Variants in TRABD2A observed in about 807,000 individuals in gnomAD.
The protein encoded by TRABD2A is TraB domain containing 2A.
In TRABD2A, 43 loss-of-function variants were observed where a neutral mutation model predicts 45.6. The observed-to-expected ratio is 0.94, with a 90% CI of 0.74 to 1.22. The LOEUF is 1.22. Among genes scored for constraint, TRABD2A ranks in the 50% most tolerant of loss-of-function variants. The pLI is 0.00. For missense variants in TRABD2A, 642 were observed against 652.4 expected, an observed-to-expected ratio of 0.98 and a Z score of 0.17; for synonymous variants, 269 against 265.0, an observed-to-expected ratio of 1.02 and a Z score of -0.15.
intron 6 of TRABD2A, among the ~76,000 whole-genome samples, chr2:84,822,371 T>G (rs1198481174): frequency 1.3e-5 from 2 of 152,198 alleles, no homozygotes; most frequent in Non-Finnish European, 2.9e-5. Flanking sequence ...TTAGTGAAAG[T>G]CTTCGTATAA....
intron 1 of TRABD2A, among the ~76,000 whole-genome samples, chr2:84,875,339 G>T (rs1682993737): frequency 6.6e-6 from 1 of 152,200 alleles, no homozygotes; most frequent in Admixed American, 6.5e-5. Flanking sequence ...AGCATGCAAA[G>T]GCCCTGAGGC....
Position 84,830,424 on chromosome 2 carries a change from G to A in TRABD2A, c.1082+1631C>T, listed in dbSNP as rs1446088677. Among the ~76,000 whole-genome samples, 6 of 152,188 alleles carry A rather than the reference G, an allele frequency of 3.9e-5. No homozygotes were observed. Among genetic ancestry groups the A allele is most frequent in the African/African-American group, 9.6e-5 (4 of 41,490 alleles). On this transcript the variant is annotated intron_variant, in intron 5 of 6. Transcript: ENST00000409520. This position sits in a 1 kb window ranked among gnomAD's most constrained non-coding sequence, Gnocchi z 4.9. The stretch of plus-strand genomic sequence containing the variant: ...GTAGGGTCTGAGTGCCAAGACCTCC[G>A]CGTGAAGACAATGACCTTGAAAAAG...
chr2:84,854,900 G>A (rs1431749650), intron 2 of TRABD2A, among the ~76,000 whole-genome samples: 1 of 152,006 alleles, frequency 6.6e-6, no homozygotes, highest in Non-Finnish European at 1.5e-5. Context: ...AACCATCCTT[G>A]GATTACAGAC....
chr2:84,836,775 C>A (rs1333666511), intron 4 of TRABD2A: 1 of 152,150 alleles, frequency 6.6e-6, no homozygotes, highest in Non-Finnish European at 1.5e-5. Flanking sequence ...CTCAATCAAC[C>A]TATCTTCATG....
At chr2:84,861,805 A>G (rs1438118037) in intron 2 of TRABD2A, among the ~76,000 whole-genome samples, 1 of 152,206 alleles carries the variant, frequency 6.6e-6, no homozygotes, top group African/African-American at 2.4e-5. Flanking sequence ...AGCACCCGCA[A>G]GAGCAGAAGC....
At chr2:84,832,226 A>G in intron 4 of TRABD2A, 81 bp from the exon 5 acceptor site, 1 of 1,441,014 alleles carries the variant, frequency 6.9e-7, no homozygotes, top group Non-Finnish European at 9.7e-7. Context: ...CCTAGAACCA[A>G]GAAATTACCC....
chr2:84,868,009 T>C (rs1406606402), intron 2 of TRABD2A, among the ~76,000 whole-genome samples: 1 of 152,228 alleles, frequency 6.6e-6, no homozygotes, highest in African/African-American at 2.4e-5. Flanking sequence ...AGTTCAACCA[T>C]TGTGGAAGAC....
chr2:84,837,935 G>C, intron 4 of TRABD2A: 1 of 343,094 alleles, frequency 2.9e-6, no homozygotes, highest in Non-Finnish European at 5.3e-6. Context: ...GCAGCCCCTT[G>C]TAAGCTTCAA....
At chr2:84,862,927 G>A (rs1284408541) in intron 2 of TRABD2A, among the ~76,000 whole-genome samples, 1 of 151,458 alleles carries the variant, frequency 6.6e-6, no homozygotes, top group Non-Finnish European at 1.5e-5. Flanking sequence ...AGAAACTAAA[G>A]GGATGTCCAA....
At position 84,881,082 on chromosome 2, in the gene TRABD2A, A is replaced by T; in HGVS notation, c.-43T>A. On this transcript the variant is annotated 5_prime_UTR_variant, in exon 1 of 7. Coordinates refer to ENST00000409520, the MANE Select transcript of TRABD2A (RefSeq NM_001277053.2). Reference sequence around the variant, plus strand: ...CGAGGCCCGGAACGCGGAGGGAAGGAGTAGGGCAGAGGTGGCCGCCCGCCC... The same window carrying T: ...CGAGGCCCGGAACGCGGAGGGAAGGTGTAGGGCAGAGGTGGCCGCCCGCCC... 1 of 1,531,248 alleles carries T rather than the reference A, an allele frequency of 6.5e-7. No homozygotes were observed. The highest frequency in any genetic ancestry group is 1.2e-5 in the South Asian group (1 of 80,240). 94.9% of individuals were successfully genotyped at this position (1,531,248 alleles called of 1,614,324 possible).
At chr2:84,875,279 C>T (rs1441896573) in intron 1 of TRABD2A, among the ~76,000 whole-genome samples, 1 of 152,122 alleles carries the variant, frequency 6.6e-6, no homozygotes. Context: ...GACGAGGGGC[C>T]CACTATGGGG....
intron 2 of TRABD2A, among the ~76,000 whole-genome samples, chr2:84,858,028 A>G (rs1437718738): frequency 6.6e-6 from 1 of 152,100 alleles, no homozygotes; most frequent in Non-Finnish European, 1.5e-5. Context: ...GGCGCTCACC[A>G]CCATGCCCAG....
intron 2 of TRABD2A, among the ~76,000 whole-genome samples, chr2:84,861,738 C>G (rs1007740213): frequency 2.0e-5 from 3 of 152,222 alleles, no homozygotes; most frequent in Non-Finnish European, 4.4e-5. Flanking sequence ...GAAAGTCAGG[C>G]AGCAGCAACC....
intron 2 of TRABD2A, among the ~76,000 whole-genome samples, chr2:84,864,870 A>G (rs1682624819): frequency 6.6e-6 from 1 of 152,116 alleles, no homozygotes; most frequent in Non-Finnish European, 1.5e-5. Flanking sequence ...CCTCCACAGG[A>G]GTCTTCCTCA....
intron 1 of TRABD2A, among the ~76,000 whole-genome samples, chr2:84,873,369 A>C (rs1682929660): frequency 6.6e-6 from 1 of 150,916 alleles, no homozygotes; most frequent in Non-Finnish European, 1.5e-5. Flanking sequence ...TCAGTGAGCC[A>C]AGATCCCGCC....
chr2:84,877,217 C>T (rs1683055127), intron 1 of TRABD2A, among the ~76,000 whole-genome samples: 1 of 152,056 alleles, frequency 6.6e-6, no homozygotes, highest in Non-Finnish European at 1.5e-5. Flanking sequence ...GCCCCCGGAC[C>T]CTTGCACTTA....
intron 2 of TRABD2A, among the ~76,000 whole-genome samples, chr2:84,862,799 A>G (rs1682541422): frequency 6.6e-6 from 1 of 152,168 alleles, no homozygotes. Context: ...TCAAGTCCTG[A>G]GCAGGCCTGT....
At chr2:84,850,980 G>A (rs4832117) in intron 2 of TRABD2A, 38,183 of 152,188 alleles carry the variant, frequency 0.25, 5,158 homozygotes, top group African/African-American at 0.34. Context: ...TAACCAGGCT[G>A]CTTCCCTAGA....
chr2:84,836,924 T>C (rs1355653508), intron 4 of TRABD2A: 1 of 151,934 alleles, frequency 6.6e-6, no homozygotes, highest in Non-Finnish European at 1.5e-5. Flanking sequence ...ATTGATATTC[T>C]GTATTGGTGA....
Sources: allele counts gnomAD v4.1 joint callset (sites outside exome capture counted in the v4.1 genomes callset), GRCh38; gene constraint gnomAD v4.1.1; non-coding constraint Gnocchi (gnomAD v3.1); transcripts MANE v1.5; gene names NCBI Gene and HGNC (gene_info 2026-07-23, HGNC 2026-07-21).